The following GRIN2B variants were observed in gnomAD, a reference collection of about 807,000 sequenced individuals.
GRIN2B encodes glutamate ionotropic receptor NMDA type subunit 2B.
Under a neutral mutation model 114.5 loss-of-function variants are expected in GRIN2B, and 5 were observed. That is an observed-to-expected ratio of 0.04 (90% CI 0.02 to 0.09). The LOEUF (loss-of-function observed/expected upper bound fraction) is 0.09. Ranked by LOEUF, GRIN2B falls within the 10% of genes least tolerant of loss-of-function variation. The pLI is 1.00. For synonymous variants in GRIN2B, 787 were observed against 745.1 expected, an observed-to-expected ratio of 1.06 and a Z score of -0.92; for missense variants, 1,108 against 1,943.5, an observed-to-expected ratio of 0.57 and a Z score of 8.08.
intron 4 of GRIN2B, among the ~76,000 whole-genome samples, chr12:13,728,845 CT>C (rs1259198530): frequency 6.6e-6 from 1 of 152,158 alleles, no homozygotes; most frequent in Non-Finnish European, 1.5e-5. Context: ...CCCAAATAAC[CT>C]ACCAGTTTGA....
At position 13,980,052 on chromosome 12, in the gene GRIN2B, A is replaced by G. The variant is rs1002237271; in HGVS notation, c.-143T>C. The G allele has an allele frequency of 6.6e-6, 1 of 152,228 alleles. No individual in the cohort carries two copies. The highest frequency in any genetic ancestry group is 2.4e-5 in the African/African-American group (1 of 41,456). 9.4% of individuals were successfully genotyped at this position (152,228 alleles called of 1,614,324 possible). A position where few individuals can be genotyped will look rare whatever the true frequency, so the allele number is the denominator to read the frequency against. ...AAGACGAAGGATAAATGAACGGAAG[A>G]TAATTTAAAATCCAATTTAGCGTAA... On this transcript the variant is annotated 5_prime_UTR_variant, in exon 2 of 14. Transcript: ENST00000609686.
intron 3 of GRIN2B, among the ~76,000 whole-genome samples, chr12:13,768,757 C>G (rs1030460485): frequency 6.6e-6 from 1 of 152,128 alleles, no homozygotes; most frequent in East Asian, 1.9e-4. Context: ...AGCAGGTGGC[C>G]GGCACGGTGG....
intron 2 of GRIN2B, among the ~76,000 whole-genome samples, chr12:13,908,155 C>G (rs751410041): frequency 1.4e-5 from 2 of 146,610 alleles, no homozygotes; most frequent in Admixed American, 6.9e-5. Context: ...GAAAGCTAAG[C>G]CTTCTCAGTC....
At chr12:13,979,872 T>C (rs992113913) in intron 2 of GRIN2B, 56 bp downstream of exon 2, 10 of 152,070 alleles carry the variant, frequency 6.6e-5, no homozygotes, top group Admixed American at 4.6e-4. Flanking sequence ...AAGAGATAGA[T>C]AAAATGAGGA....
chr12:13,580,093 G>A (rs534468625), intron 10 of GRIN2B, among the ~76,000 whole-genome samples: 1 of 152,310 alleles, frequency 6.6e-6, no homozygotes, highest in South Asian at 2.1e-4. Flanking sequence ...AACCAAGAAT[G>A]TCCTAAATAC....
rs1412318034 is a variant in GRIN2B at position 13,554,366 on chromosome 12, T to C, written c.*8417A>G. On this transcript the variant is annotated 3_prime_UTR_variant, in exon 14 of 14. Transcript: ENST00000609686. Reference sequence around the variant, plus strand: ...ATGGAAGATAAAGAAGTTGTTCTGGTCTTTGAAGACTTATATAGAGGGAAT... The same window carrying C: ...ATGGAAGATAAAGAAGTTGTTCTGGCCTTTGAAGACTTATATAGAGGGAAT... The C allele has an allele frequency of 6.6e-6, 1 of 152,198 alleles. No homozygotes were observed. The highest frequency in any genetic ancestry group is 1.5e-5 in the Non-Finnish European group (1 of 68,042). 9.4% of individuals were successfully genotyped at this position (152,198 alleles called of 1,614,324 possible). A position where few individuals can be genotyped will look rare whatever the true frequency, so the allele number is the denominator to read the frequency against.
At chr12:13,737,222 T>C (rs904792974) in intron 4 of GRIN2B, among the ~76,000 whole-genome samples, 1 of 151,512 alleles carries the variant, frequency 6.6e-6, no homozygotes, top group African/African-American at 2.4e-5. Flanking sequence ...TTTTTTTTTC[T>C]TTTTTTTGAG....
chr12:13,710,139 A>G (rs1408223350), intron 4 of GRIN2B, among the ~76,000 whole-genome samples: 2 of 152,032 alleles, frequency 1.3e-5, no homozygotes, highest in Non-Finnish European at 2.9e-5. Flanking sequence ...ATCTCAAAAC[A>G]TTATATTGAG....
intron 5 of GRIN2B, among the ~76,000 whole-genome samples, chr12:13,643,081 C>T (rs373988368): frequency 6.6e-6 from 1 of 152,002 alleles, no homozygotes; most frequent in African/African-American, 2.4e-5. Flanking sequence ...TCTGTGAAGA[C>T]GAAAGTTATT....
intron 5 of GRIN2B, among the ~76,000 whole-genome samples, chr12:13,622,433 G>C (rs1401594513): frequency 6.6e-6 from 1 of 152,112 alleles, no homozygotes; most frequent in Non-Finnish European, 1.5e-5. Flanking sequence ...CCGAGGACAG[G>C]AGGACACCCT....
intron 10 of GRIN2B, among the ~76,000 whole-genome samples, chr12:13,582,415 T>G (rs1307947574): frequency 6.6e-6 from 1 of 152,236 alleles, no homozygotes; most frequent in East Asian, 1.9e-4. Flanking sequence ...CCTGGGCCCC[T>G]GATGAATCTG....
intron 4 of GRIN2B, among the ~76,000 whole-genome samples, chr12:13,715,052 T>C (rs1950443551): frequency 6.6e-6 from 1 of 151,896 alleles, no homozygotes; most frequent in Non-Finnish European, 1.5e-5. Context: ...TGGAGTATTA[T>C]GGGTCTTAAC....
In GRIN2B at chr12:13,803,863, C is replaced by G. The variant is rs149334050; in HGVS notation, c.412-49948G>C. ...GTCTGAGCTGATGTAGCGAGTCAAC[C>G]CAGTTGGGCATTTGCCTTTCTGCCT... On this transcript the variant is annotated intron_variant, in intron 3 of 13. Transcript: ENST00000609686. 5.6e-3 allele frequency among the ~76,000 whole-genome samples: 852 copies of G among 152,246 alleles called. 6 individuals carry two copies. Among genetic ancestry groups the G allele is most frequent in the Non-Finnish European group, 9.4e-3 (641 of 68,014 alleles).
chr12:13,963,454 G>A (rs1377277364), intron 2 of GRIN2B, among the ~76,000 whole-genome samples: 1 of 152,190 alleles, frequency 6.6e-6, no homozygotes, highest in African/African-American at 2.4e-5. Flanking sequence ...AGATGGAGAA[G>A]GCCAGCAAGG....
intron 3 of GRIN2B, among the ~76,000 whole-genome samples, chr12:13,795,413 T>C (rs543327897): frequency 1.3e-5 from 2 of 152,200 alleles, no homozygotes; most frequent in Non-Finnish European, 2.9e-5. Flanking sequence ...GAACTGAATT[T>C]GATCTTGCCA....
At chr12:13,657,086 C>G (rs1949872402) in intron 5 of GRIN2B, among the ~76,000 whole-genome samples, 1 of 152,124 alleles carries the variant, frequency 6.6e-6, no homozygotes, top group Non-Finnish European at 1.5e-5. Flanking sequence ...GGAAGGAGAG[C>G]AGGAGAGGGG....
chr12:13,649,541 T>G (rs1348634907), intron 5 of GRIN2B, among the ~76,000 whole-genome samples: 1 of 152,130 alleles, frequency 6.6e-6, no homozygotes, highest in Non-Finnish European at 1.5e-5. Flanking sequence ...TTTTTTAATG[T>G]GCATTTTAAC....
intron 4 of GRIN2B, among the ~76,000 whole-genome samples, chr12:13,723,450 A>T (rs139183039): frequency 6.6e-6 from 1 of 151,660 alleles, no homozygotes; most frequent in Non-Finnish European, 1.5e-5. Context: ...TCACTGTTCT[A>T]GTCCCTAAGC....
intron 4 of GRIN2B, among the ~76,000 whole-genome samples, chr12:13,749,026 A>T (rs1404722867): frequency 6.6e-6 from 1 of 152,232 alleles, no homozygotes; most frequent in African/African-American, 2.4e-5. Context: ...TCTGGAGATA[A>T]TCACTAAGTC....
Sources: allele counts gnomAD v4.1 joint callset (sites outside exome capture counted in the v4.1 genomes callset), GRCh38; gene constraint gnomAD v4.1.1; transcripts MANE v1.5; gene names NCBI Gene and HGNC (gene_info 2026-07-23, HGNC 2026-07-21).